The following BCL2 variants were observed in gnomAD, a reference collection of about 807,000 sequenced individuals.
BCL2 encodes the protein apoptosis regulator Bcl-2.
In BCL2, 1 loss-of-function variant was observed where a neutral mutation model predicts 14.2. The ratio of observed to expected loss-of-function variants is 0.07; its 90% confidence interval spans 0.02 to 0.33. BCL2 has a LOEUF of 0.33. BCL2 is among the 10% of genes least tolerant of loss of function. The probability of loss-of-function intolerance (pLI) is 0.99; values close to 1 mark genes in which losing one functional copy is unlikely to be tolerated. For missense variants in BCL2, 247 were observed against 305.9 expected (o/e 0.81, Z 1.44); for synonymous variants, 151 against 137.2 (o/e 1.10, Z -0.70).
intron 2 of BCL2, among the ~76,000 whole-genome samples, chr18:63,283,301 C>T (rs1371163453): frequency 1.3e-5 from 2 of 152,182 alleles, no homozygotes; most frequent in African/African-American, 2.4e-5. Context: ...GTCACCTCTA[C>T]GGGTCTTTGG....
chr18:63,139,205 C>T (rs1419390070), intron 2 of BCL2, among the ~76,000 whole-genome samples: 1 of 152,206 alleles, frequency 6.6e-6, no homozygotes, highest in Non-Finnish European at 1.5e-5. Context: ...CATGTCCCTC[C>T]TGCAAGAAGG....
At chr18:63,280,567 C>T (rs1026080392) in intron 2 of BCL2, among the ~76,000 whole-genome samples, 35 of 152,070 alleles carry the variant, frequency 2.3e-4, no homozygotes, top group African/African-American at 6.3e-4. Flanking sequence ...ATGGCCAATC[C>T]GCACATAAGA....
At chr18:63,191,752 G>GGTGCATTTGCAAATCACTGGAAAAAGCA (rs1909296599) in intron 2 of BCL2, among the ~76,000 whole-genome samples, 2 of 152,130 alleles carry the variant, frequency 1.3e-5, no homozygotes, top group African/African-American at 4.8e-5. Flanking sequence ...GTTTTAGGCC[G>GGTGCATTTGCAAATCACTGGAAAAAGCA]GTGCATTTGC....
chr18:63,214,999 G>A (rs907360655), intron 2 of BCL2, among the ~76,000 whole-genome samples: 7 of 152,158 alleles, frequency 4.6e-5, no homozygotes, highest in African/African-American at 1.7e-4. Flanking sequence ...GTGAGCCAGT[G>A]TGCCTGGCCT....
At chr18:63,157,487 G>A (rs770838297) in intron 2 of BCL2, among the ~76,000 whole-genome samples, 2 of 152,202 alleles carry the variant, frequency 1.3e-5, no homozygotes, top group Non-Finnish European at 2.9e-5. Flanking sequence ...GTTGAAAAGG[G>A]GCACCTACGC....
chr18:63,276,154 G>C (rs191534670), intron 2 of BCL2, among the ~76,000 whole-genome samples: 7 of 152,348 alleles, frequency 4.6e-5, no homozygotes, highest in African/African-American at 1.7e-4. Flanking sequence ...GAGACAGACA[G>C]AGGTCAGCCT....
In BCL2 at chr18:63,213,547, AACACACACAC is replaced by A. The variant is rs57058660; in HGVS notation, c.586-84798_586-84789del. Among the ~76,000 whole-genome samples, 121 of 146,344 alleles carry A rather than the reference AACACACACAC, an allele frequency of 8.3e-4. 1 individual carries two copies. Among genetic ancestry groups the A allele is most frequent in the Non-Finnish European group, 1.4e-3 (94 of 66,780 alleles). ...TAAACCACACACACACACACACATAAACACACACACACACACACACACACACACACACTAT... is the reference window on the plus strand; with the variant it reads ...TAAACCACACACACACACACACATAAACACACACACACACACACACACTAT... On this transcript the variant is annotated intron_variant, in intron 2 of 2. Coordinates refer to ENST00000333681, the MANE Select transcript of BCL2 (RefSeq NM_000633.3).
intron 2 of BCL2, among the ~76,000 whole-genome samples, chr18:63,181,037 T>G (rs1371149826): frequency 6.6e-6 from 1 of 152,166 alleles, no homozygotes; most frequent in East Asian, 1.9e-4. Flanking sequence ...CACCATGCAC[T>G]CTCATGGCTC....
intron 2 of BCL2, among the ~76,000 whole-genome samples, chr18:63,189,524 C>A (rs983275703): frequency 6.6e-6 from 1 of 152,108 alleles, no homozygotes; most frequent in Non-Finnish European, 1.5e-5. Context: ...AAAAGTAAAC[C>A]AAACCAATCA....
chr18:63,226,167 A>C (rs1910538206), intron 2 of BCL2, among the ~76,000 whole-genome samples: 1 of 152,114 alleles, frequency 6.6e-6, no homozygotes, highest in Non-Finnish European at 1.5e-5. Flanking sequence ...GTCCCTCTGA[A>C]CTCAAGCCAC....
chr18:63,164,723 T>C (rs1229091711), intron 2 of BCL2, among the ~76,000 whole-genome samples: 1 of 152,232 alleles, frequency 6.6e-6, no homozygotes, highest in Admixed American at 6.5e-5. Flanking sequence ...TGAAAAATCA[T>C]TCCATGCATT....
intron 2 of BCL2, among the ~76,000 whole-genome samples, chr18:63,229,807 G>A (rs1453523735): frequency 6.6e-6 from 1 of 152,166 alleles, no homozygotes; most frequent in African/African-American, 2.4e-5. Flanking sequence ...GCCTACTCCT[G>A]TTCAGCTAAA....
intron 2 of BCL2, among the ~76,000 whole-genome samples, chr18:63,201,055 A>G (rs962868556): frequency 6.6e-6 from 1 of 152,214 alleles, no homozygotes; most frequent in African/African-American, 2.4e-5. Context: ...TGCAGGCAGC[A>G]TTACGGAGCA....
At position 63,293,143 on chromosome 18, in the gene BCL2, C is replaced by G. The variant is rs760707145; in HGVS notation, c.585+24939G>C. Among the ~76,000 whole-genome samples the G allele has an allele frequency of 4.6e-5, 7 of 152,216 alleles. 1 individual carries two copies. Among genetic ancestry groups the G allele is most frequent in the Non-Finnish European group, 7.3e-5 (5 of 68,028 alleles). The stretch of plus-strand genomic sequence containing the variant: ...CCACCCCGCAGAGCCCAGCCAGGTT[C>G]TCAGTGGCCCCAAGATAGCACACAA... On this transcript the variant is annotated intron_variant, in intron 2 of 2. Transcript: ENST00000333681.
chr18:63,177,991 G>A (rs1599227101), intron 2 of BCL2, among the ~76,000 whole-genome samples: 1 of 152,174 alleles, frequency 6.6e-6, no homozygotes, highest in African/African-American at 2.4e-5. Flanking sequence ...AAGGACTGGT[G>A]CAGCCACTTC....
chr18:63,318,668 C>G lies in BCL2; in HGVS notation c.-2G>C, dbSNP rs1211459643. ...CCCTGTTCTCCCAGCGTGCGCCATC[C>G]TTCCCAGAGGAAAAGCAACGGGGGC... is the stretch of plus-strand genomic sequence containing the variant. On this transcript the variant is annotated 5_prime_UTR_variant, in exon 2 of 3. Transcript: ENST00000333681. This position sits in a 1 kb window ranked among gnomAD's most constrained non-coding sequence, Gnocchi z 7.4. The G allele has an allele frequency of 6.2e-7, 1 of 1,612,742 alleles. No homozygotes were observed.
At chr18:63,165,588 C>T (rs759814518) in intron 2 of BCL2, among the ~76,000 whole-genome samples, 3 of 152,256 alleles carry the variant, frequency 2.0e-5, no homozygotes, top group Non-Finnish European at 4.4e-5. Context: ...CCAAACCTCT[C>T]TCAGGCTAAA....
At chr18:63,258,096 T>C (rs1360847762) in intron 2 of BCL2, among the ~76,000 whole-genome samples, 3 of 152,146 alleles carry the variant, frequency 2.0e-5, no homozygotes, top group South Asian at 4.1e-4. Context: ...GAAAATGCCA[T>C]GTGAGGAGGG....
intron 2 of BCL2, chr18:63,317,452 G>T: frequency 1.3e-6 from 1 of 777,582 alleles, no homozygotes; most frequent in Non-Finnish European, 1.6e-6. Flanking sequence ...ACACACTGGA[G>T]ATTCCAGTCC....
Sources: allele counts gnomAD v4.1 joint callset (sites outside exome capture counted in the v4.1 genomes callset), GRCh38; gene constraint gnomAD v4.1.1; non-coding constraint Gnocchi (gnomAD v3.1); transcripts MANE v1.5; gene names NCBI Gene and HGNC (gene_info 2026-07-23, HGNC 2026-07-21).